The following VPS13C variants were observed in gnomAD, a reference collection of about 807,000 sequenced individuals.
VPS13C encodes vacuolar protein sorting 13 homolog C.
A neutral mutation model predicts 456.8 loss-of-function variants in VPS13C; 358 were observed. That is an observed-to-expected ratio of 0.78 (90% CI 0.72 to 0.86). The LOEUF (loss-of-function observed/expected upper bound fraction) is 0.86, where lower values mean the gene tolerates loss of function less well. Among genes scored for constraint, VPS13C ranks in the 40% least tolerant of loss-of-function variants. The probability of loss-of-function intolerance (pLI) is 0.00; values close to 1 mark genes in which losing one functional copy is unlikely to be tolerated. For synonymous variants in VPS13C, 1,578 were observed against 1,486.7 expected (o/e 1.06, Z -1.41); for missense variants, 4,818 against 4,385.4 (o/e 1.10, Z -2.79).
intron 18 of VPS13C, among the ~76,000 whole-genome samples, chr15:61,989,510 T>A (rs1176760706): frequency 1.3e-5 from 2 of 151,942 alleles, no homozygotes; most frequent in African/African-American, 4.8e-5. Flanking sequence ...TATTAACATC[T>A]AACTAGCAAA....
intron 75 of VPS13C, among the ~76,000 whole-genome samples, chr15:61,876,663 T>C (rs1365444866): frequency 6.6e-6 from 1 of 151,976 alleles, no homozygotes; most frequent in Non-Finnish European, 1.5e-5. Context: ...TGCAGTTCAC[T>C]AGATTATATT....
intron 9 of VPS13C, among the ~76,000 whole-genome samples, chr15:62,015,960 CAAA>C (rs67786303): frequency 0.011 from 815 of 72,418 alleles, 7 homozygotes; most frequent in African/African-American, 0.015. Context: ...AAAAGAAGTC[CAAA>C]AAAAAAAAAA....
Position 61,955,331 on chromosome 15 carries a change from G to T in VPS13C, c.4166-777C>A, listed in dbSNP as rs1438473216. Among the ~76,000 whole-genome samples, 2 of 152,172 alleles carry T rather than the reference G, an allele frequency of 1.3e-5. 1 individual carries two copies. On this transcript the variant is annotated intron_variant, in intron 37 of 84. Coordinates refer to ENST00000644861, the MANE Select transcript of VPS13C (RefSeq NM_020821.3). ...GAGGTTCAGACAGATTCAGTCCCTT[G>T]CTCAGTGTCGCACAAATGGCAGAGC...
intron 59 of VPS13C, among the ~76,000 whole-genome samples, chr15:61,917,873 G>A (rs984120574): frequency 5.3e-5 from 8 of 151,864 alleles, no homozygotes; most frequent in African/African-American, 1.9e-4. Context: ...CTGTAAACAA[G>A]ACAACTTAAA....
In VPS13C at chr15:61,998,450, C is replaced by T. The variant is rs548431596; in HGVS notation, c.1353+2114G>A. On this transcript the variant is annotated intron_variant, in intron 16 of 84. Transcript: ENST00000644861. ...TGATAATGACAATGAAAAAAAATCACGTGTTTAGTAACTGCTATGTGCCAG... is the reference window on the plus strand; with the variant it reads ...TGATAATGACAATGAAAAAAAATCATGTGTTTAGTAACTGCTATGTGCCAG... Among the ~76,000 whole-genome samples the T allele has an allele frequency of 9.2e-5, 14 of 152,200 alleles. No individual in the cohort carries two copies. In the South Asian group the frequency reaches 1.5e-3, roughly 16 times the overall value.
chr15:61,958,859 T>C (rs1382134728), intron 36 of VPS13C, 143 bp from the exon 37 acceptor site: 2 of 474,362 alleles, frequency 4.2e-6, no homozygotes, highest in Non-Finnish European at 7.3e-6. Flanking sequence ...ACAACTCACT[T>C]AAGTATTGCA....
chr15:62,051,356 C>G (rs2048612082), intron 1 of VPS13C, among the ~76,000 whole-genome samples: 1 of 152,144 alleles, frequency 6.6e-6, no homozygotes, highest in African/African-American at 2.4e-5. Context: ...TATAACATTA[C>G]TCAATCCTCA....
chr15:62,035,079 A>C (rs1032064460), intron 3 of VPS13C, 27 bp from the exon 4 acceptor site: 1 of 1,542,398 alleles, frequency 6.5e-7, no homozygotes, highest in Non-Finnish European at 8.9e-7. Flanking sequence ...TCAACCTTAA[A>C]TTATTATTTG....
At chr15:61,909,808 T>G (rs186098109) in intron 64 of VPS13C, among the ~76,000 whole-genome samples, 19 of 152,296 alleles carry the variant, frequency 1.2e-4, no homozygotes, top group East Asian at 3.9e-4. Flanking sequence ...ACATTTGAGT[T>G]GGTTCCAAGT....
intron 54 of VPS13C, 23 bp downstream of exon 54, chr15:61,922,374 G>C: frequency 6.3e-7 from 1 of 1,587,524 alleles, no homozygotes. Context: ...AGTCTCTGAA[G>C]GTATTAAGTG....
chr15:61,979,841 C>T (rs1214850625), intron 22 of VPS13C, among the ~76,000 whole-genome samples: 1 of 152,058 alleles, frequency 6.6e-6, no homozygotes, highest in Non-Finnish European at 1.5e-5. Flanking sequence ...ATTTTAAAAA[C>T]AAGTGTGGGA....
At chr15:61,975,220 A>G (rs1168771270) in intron 24 of VPS13C, among the ~76,000 whole-genome samples, 2 of 152,096 alleles carry the variant, frequency 1.3e-5, no homozygotes, top group Non-Finnish European at 2.9e-5. Context: ...ACCTTAAGAA[A>G]CTAGGACTGA....
intron 15 of VPS13C, among the ~76,000 whole-genome samples, chr15:62,006,970 C>T (rs1166028725): frequency 4.6e-5 from 7 of 152,062 alleles, no homozygotes; most frequent in Non-Finnish European, 2.9e-5. Context: ...CGTATAAATA[C>T]AGGATGTTTA....
At chr15:61,930,964 A>C in intron 50 of VPS13C, 126 bp downstream of exon 50, 2 of 1,092,770 alleles carry the variant, frequency 1.8e-6, no homozygotes, top group South Asian at 2.7e-5. Flanking sequence ...AATGCAATTC[A>C]AATCAGGAAG....
intron 12 of VPS13C, 152 bp from the exon 13 acceptor site, chr15:62,010,751 T>C: frequency 1.2e-6 from 1 of 838,336 alleles, no homozygotes; most frequent in Non-Finnish European, 1.7e-6. Flanking sequence ...TTTAAGCAAT[T>C]TAAGCTTCTA....
intron 52 of VPS13C, among the ~76,000 whole-genome samples, chr15:61,925,974 CT>C (rs2043833748): frequency 6.6e-6 from 1 of 152,070 alleles, no homozygotes; most frequent in Admixed American, 6.5e-5. Context: ...CATGTAAGGC[CT>C]TTATTAGAAT....
At chr15:62,045,072 T>C (rs1042328206) in intron 1 of VPS13C, among the ~76,000 whole-genome samples, 9 of 152,138 alleles carry the variant, frequency 5.9e-5, no homozygotes, top group Non-Finnish European at 8.8e-5. Flanking sequence ...TCCAGGTATT[T>C]TTGAGTGAAT....
At chr15:61,888,351 C>A (rs1012703370) in intron 67 of VPS13C, among the ~76,000 whole-genome samples, 32 of 152,112 alleles carry the variant, frequency 2.1e-4, no homozygotes, top group African/African-American at 4.8e-5. Context: ...TGGCACTTAC[C>A]CCAAAGCAGA....
chr15:62,046,677 G>A (rs1016505002), intron 1 of VPS13C, among the ~76,000 whole-genome samples: 2 of 152,312 alleles, frequency 1.3e-5, no homozygotes, highest in African/African-American at 4.8e-5. Context: ...CGTTAGAGAT[G>A]AAGTCTTTAT....
Sources: allele counts gnomAD v4.1 joint callset (sites outside exome capture counted in the v4.1 genomes callset), GRCh38; gene constraint gnomAD v4.1.1; transcripts MANE v1.5; gene names NCBI Gene and HGNC (gene_info 2026-07-23, HGNC 2026-07-21).